PLEKHA5: variants seen among roughly 807,000 people sequenced by gnomAD.
PLEKHA5 encodes pleckstrin homology domain-containing family A member 5.
In PLEKHA5, 55 loss-of-function variants were observed where a neutral mutation model predicts 181.9. The ratio of observed to expected loss-of-function variants is 0.30; its 90% CI spans 0.24 to 0.38. The LOEUF (loss-of-function observed/expected upper bound fraction) is 0.38. Among genes scored for constraint, PLEKHA5 ranks in the 10% least tolerant of loss-of-function variants. The pLI is 1.00. For missense variants in PLEKHA5, 1,432 were observed against 1,549.5 expected, an observed-to-expected ratio of 0.92 and a Z score of 1.27; for synonymous variants, 535 against 529.4, an observed-to-expected ratio of 1.01 and a Z score of -0.15.
At chr12:19,322,160 C>A in intron 18 of PLEKHA5, 150 bp from the exon 19 acceptor site, 2 of 594,310 alleles carry the variant, frequency 3.4e-6, no homozygotes, top group South Asian at 4.5e-5. Flanking sequence ...AAAATGCTTG[C>A]ATGCCTATTT....
chr12:19,358,508 T>A, intron 27 of PLEKHA5, 71 bp downstream of exon 27: 1 of 976,554 alleles, frequency 1.0e-6, no homozygotes, highest in Non-Finnish European at 1.6e-6. Context: ...CAGAGTTACA[T>A]GATTGATAGG....
intron 7 of PLEKHA5, among the ~76,000 whole-genome samples, chr12:19,263,019 CAA>C (rs1400759761): frequency 2.0e-5 from 3 of 152,100 alleles, no homozygotes; most frequent in East Asian, 1.9e-4. Context: ...ACTGTAGAAA[CAA>C]GAGAAATATC....
intron 3 of PLEKHA5, among the ~76,000 whole-genome samples, chr12:19,223,407 T>G (rs968682374): frequency 2.0e-5 from 3 of 152,158 alleles, no homozygotes; most frequent in Admixed American, 2.0e-4. Context: ...TATATAGTTG[T>G]TTTCGTTGTG....
intron 3 of PLEKHA5, among the ~76,000 whole-genome samples, chr12:19,212,149 A>G (rs1376938339): frequency 6.6e-6 from 1 of 152,188 alleles, no homozygotes; most frequent in Non-Finnish European, 1.5e-5. Flanking sequence ...TGACTTTGGT[A>G]ATTCAGTCAC....
Position 19,283,679 on chromosome 12 carries a change from A to T in PLEKHA5, c.1713A>T (p.Glu571Asp). The part of the protein sequence containing the change: ...GYSPQRTYRS[E>D]VSSPIQRGDV... ...CCCCTCAACGAACTTACAGATCGGA[A>T]GTGTCTTCACCAATTCAGAGAGGAG... Residue 571 changes from glutamate to aspartate, a missense_variant, in exon 12 of 32, where the codon GAA becomes GAT. Physicochemically the swap from Glu to Asp is conservative, Grantham distance 45. This residue lies in a region of PLEKHA5 where 1,143 missense variants were observed against 1,168.4 expected (regional missense o/e 0.98). Transcript: ENST00000429027. 6.2e-7 allele frequency: 1 copy of T among 1,614,160 alleles called. No homozygotes were observed.
chr12:19,319,980 C>G (rs1565612098), intron 16 of PLEKHA5, 41 bp from the exon 17 acceptor site: 1 of 1,290,426 alleles, frequency 7.7e-7, no homozygotes, highest in South Asian at 1.4e-5. Context: ...TGATTTTCCT[C>G]TTTTCAATTA....
intron 3 of PLEKHA5, among the ~76,000 whole-genome samples, chr12:19,236,554 G>A (rs142164886): frequency 6.6e-6 from 1 of 151,726 alleles, no homozygotes; most frequent in East Asian, 1.9e-4. Context: ...ATATCATCTT[G>A]GAAAAAACAG....
chr12:19,354,728 C>T (rs35347420), intron 26 of PLEKHA5, among the ~76,000 whole-genome samples: 12,362 of 151,908 alleles, frequency 0.081, 551 homozygotes, highest in African/African-American at 0.12. Context: ...GTGATCCGCC[C>T]GCCTCGGCCT....
At chr12:19,265,907 G>T in intron 8 of PLEKHA5, 57 bp downstream of exon 8, 1 of 853,798 alleles carries the variant, frequency 1.2e-6, no homozygotes, top group South Asian at 1.5e-5. Context: ...GGTTAAAATG[G>T]ATATTGAGCC....
rs185386729 is a variant in PLEKHA5, at chr12:19,304,779, A to T, written c.2038-10035A>T. On this transcript the variant is annotated intron_variant, in intron 15 of 31. Transcript: ENST00000429027. ...GGCTTTTTTTTTTTTCTTTTGCCAG[A>T]TATGAGAACTACACCAAAGAAAGAA... 2.0e-4 allele frequency among the ~76,000 whole-genome samples: 30 copies of T among 151,004 alleles called. No individual in the cohort carries two copies. In the East Asian group the frequency reaches 4.7e-3, roughly 24 times the overall value.
chr12:19,207,441 T>C, intron 3 of PLEKHA5: 1 of 152,152 alleles, frequency 6.6e-6, no homozygotes, highest in Non-Finnish European at 1.5e-5. Flanking sequence ...AGCATATACC[T>C]ATCTATCTTA....
chr12:19,163,326 G>A (rs2043430931), intron 3 of PLEKHA5, among the ~76,000 whole-genome samples: 1 of 152,078 alleles, frequency 6.6e-6, no homozygotes, highest in Non-Finnish European at 1.5e-5. Flanking sequence ...ACAGGCGCCA[G>A]CCACAACGCC....
chr12:19,267,496 C>T (rs972180354), intron 8 of PLEKHA5, among the ~76,000 whole-genome samples: 3 of 151,486 alleles, frequency 2.0e-5, no homozygotes, highest in Non-Finnish European at 2.9e-5. Flanking sequence ...CTCGTCTGTA[C>T]TAAAAATACA....
chr12:19,129,923 G>A (rs746198112), intron 1 of PLEKHA5, 35 bp downstream of exon 1: 1 of 1,566,846 alleles, frequency 6.4e-7, no homozygotes. Flanking sequence ...GGCCCGCGGG[G>A]GCGGGAGGGC....
intron 3 of PLEKHA5, among the ~76,000 whole-genome samples, chr12:19,199,582 G>C (rs1039514740): frequency 1.3e-5 from 2 of 152,266 alleles, no homozygotes; most frequent in Non-Finnish European, 1.5e-5. Context: ...TTAGGAGCTT[G>C]CAGTTGCTCA....
At chr12:19,350,493 T>G (rs11614259) in intron 25 of PLEKHA5, among the ~76,000 whole-genome samples, 139,281 of 152,292 alleles carry the variant, frequency 0.91, 64,515 homozygotes, top group Non-Finnish European at 1. Flanking sequence ...GAGGCCAGGC[T>G]TGGTGGCTCA....
At chr12:19,271,479 A>G (rs951443911) in intron 10 of PLEKHA5, among the ~76,000 whole-genome samples, 2 of 152,184 alleles carry the variant, frequency 1.3e-5, no homozygotes, top group Non-Finnish European at 2.9e-5. Flanking sequence ...ACTCCAGCCT[A>G]GACAACGGAG....
intron 3 of PLEKHA5, among the ~76,000 whole-genome samples, chr12:19,245,741 A>C (rs981926435): frequency 2.7e-5 from 4 of 150,746 alleles, no homozygotes; most frequent in South Asian, 4.2e-4. Flanking sequence ...AAAAAAAAAA[A>C]AAAAAAAAAC....
intron 3 of PLEKHA5, among the ~76,000 whole-genome samples, chr12:19,203,096 A>G (rs1225069247): frequency 6.6e-6 from 1 of 152,132 alleles, no homozygotes; most frequent in Non-Finnish European, 1.5e-5. Context: ...GATATATGTA[A>G]TTACAAGATG....
Sources: allele counts gnomAD v4.1 joint callset (sites outside exome capture counted in the v4.1 genomes callset), GRCh38; gene constraint gnomAD v4.1.1; regional missense constraint gnomAD v4.1.1; transcripts MANE v1.5; gene names NCBI Gene and HGNC (gene_info 2026-07-23, HGNC 2026-07-21).